BUB1B: variants seen among roughly 807,000 people sequenced by gnomAD.
The protein encoded by BUB1B is mitotic checkpoint serine/threonine-protein kinase BUB1 beta.
A neutral mutation model predicts 137.7 loss-of-function variants in BUB1B; 86 were observed. The observed-to-expected ratio is 0.62, with a 90% CI of 0.52 to 0.75. The LOEUF (loss-of-function observed/expected upper bound fraction) is 0.75. BUB1B is among the 30% of genes least tolerant of loss of function. BUB1B has a pLI of 0.00. For missense variants in BUB1B, 1,130 were observed against 1,236.9 expected (o/e 0.91, Z 1.30); for synonymous variants, 420 against 417.9 (o/e 1.00, Z -0.06).
At chr15:40,218,346 T>C (rs2140912181) in intron 21 of BUB1B, 110 bp from the exon 22 acceptor site, 2 of 794,752 alleles carry the variant, frequency 2.5e-6, no homozygotes, top group Admixed American at 2.0e-5. Context: ...ATGTATGTCA[T>C]AAAATAAACT....
At chr15:40,216,876 C>T (rs1389457115) in intron 20 of BUB1B, among the ~76,000 whole-genome samples, 4 of 151,536 alleles carry the variant, frequency 2.6e-5, no homozygotes, top group Non-Finnish European at 5.9e-5. Context: ...TAGATAAACC[C>T]AAGGAAAACA....
chr15:40,206,101 C>A, intron 14 of BUB1B, 83 bp from the exon 15 acceptor site: 1 of 1,419,306 alleles, frequency 7.0e-7, no homozygotes, highest in Non-Finnish European at 9.9e-7. Context: ...CCCTGTGTCA[C>A]TGAGCTAATA....
At position 40,196,787 on chromosome 15, in the gene BUB1B, C is replaced by A; in HGVS notation, c.1288+13C>A. ...GAGCAAAGGGAAGGTGTGTGTAATT[C>A]AAGTTTGTGAAGAGGACTTAACTTA... On this transcript the variant is annotated intron_variant, in intron 9 of 22. Coordinates refer to ENST00000287598, the MANE Select transcript of BUB1B (RefSeq NM_001211.6). The A allele has an allele frequency of 1.2e-6, 2 of 1,612,048 alleles. No individual in the cohort carries two copies. Among genetic ancestry groups the A allele is most frequent in the South Asian group, 2.2e-5 (2 of 90,998 alleles).
intron 4 of BUB1B, among the ~76,000 whole-genome samples, chr15:40,172,705 G>A (rs1453710099): frequency 6.6e-6 from 1 of 152,114 alleles, no homozygotes; most frequent in African/African-American, 2.4e-5. Flanking sequence ...TTGTTCAAGG[G>A]TCAACTGTAG....
intron 4 of BUB1B, 42 bp downstream of exon 4, chr15:40,170,723 C>T: frequency 1.1e-5 from 17 of 1,597,472 alleles, no homozygotes; most frequent in Non-Finnish European, 1.5e-5. Context: ...AAATATTAAA[C>T]TAAGAGATTT....
chr15:40,168,306 G>A (rs995171994), intron 2 of BUB1B, among the ~76,000 whole-genome samples: 2 of 152,216 alleles, frequency 1.3e-5, no homozygotes, highest in Admixed American at 6.5e-5. Context: ...GGTGGAGGTT[G>A]CAGTGAGCCG....
chr15:40,200,371 T>A lies in BUB1B; in HGVS notation c.1517+12T>A, dbSNP rs753816306. 1.2e-6 allele frequency: 2 copies of A among 1,600,336 alleles called. No homozygotes were observed. Among genetic ancestry groups the A allele is most frequent in the Admixed American group, 3.3e-5 (2 of 59,966 alleles). On this transcript the variant is annotated intron_variant, in intron 11 of 22. Transcript: ENST00000287598. The stretch of plus-strand genomic sequence containing the variant: ...AACTGTTGTGCCAGGTAAGACTACA[T>A]AGGTGGAAGGGACAATGCATATAGG...
chr15:40,200,487 C>T, intron 11 of BUB1B, 128 bp downstream of exon 11: 1 of 691,618 alleles, frequency 1.4e-6, no homozygotes, highest in South Asian at 1.8e-5. Flanking sequence ...AAGTCTCTGT[C>T]ACAACATAAG....
intron 14 of BUB1B, among the ~76,000 whole-genome samples, chr15:40,205,221 A>T (rs2037623454): frequency 6.6e-6 from 1 of 152,196 alleles, no homozygotes; most frequent in Non-Finnish European, 1.5e-5. Context: ...TGCTGGGATT[A>T]CAGGCGTGAG....
intron 8 of BUB1B, 139 bp downstream of exon 8, chr15:40,185,781 C>T: frequency 1.2e-6 from 1 of 815,392 alleles, no homozygotes; most frequent in Non-Finnish European, 2.1e-6. Context: ...ACCTGTAATC[C>T]CAGCACAGGC....
chr15:40,171,206 G>C (rs2037158378), intron 4 of BUB1B, among the ~76,000 whole-genome samples: 1 of 152,114 alleles, frequency 6.6e-6, no homozygotes, highest in Admixed American at 6.5e-5. Flanking sequence ...CAAAGTGCTG[G>C]GATTATAGGC....
intron 5 of BUB1B, among the ~76,000 whole-genome samples, chr15:40,177,421 A>G (rs1390762013): frequency 1.3e-5 from 2 of 152,110 alleles, no homozygotes. Context: ...GATAGAGGTT[A>G]AGGTTCTTTT....
chr15:40,201,666 T>A (rs2037570671), intron 12 of BUB1B, among the ~76,000 whole-genome samples: 1 of 152,154 alleles, frequency 6.6e-6, no homozygotes, highest in South Asian at 2.1e-4. Flanking sequence ...AATTTTTTTT[T>A]ATTTATTAAT....
At chr15:40,171,011 C>T (rs2037155604) in intron 4 of BUB1B, among the ~76,000 whole-genome samples, 1 of 152,172 alleles carries the variant, frequency 6.6e-6, no homozygotes, top group African/African-American at 2.4e-5. Flanking sequence ...TCATGGCTCA[C>T]TGCAGTCTAA....
Position 40,165,346 on chromosome 15 carries a change from G to T in BUB1B, c.179+150G>T, listed in dbSNP as rs1308806784. 5.9e-6 allele frequency: 6 copies of T among 1,013,802 alleles called. No individual in the cohort carries two copies. In the African/African-American group the frequency reaches 9.5e-5, roughly 16 times the overall value. The allele number at this position is 1,013,802 out of a possible 1,614,324, so 62.8% of individuals were successfully genotyped here. A position where few individuals can be genotyped will look rare whatever the true frequency, so the allele number is the denominator to read the frequency against. ...TTCTCTACCTGCTTTCGTATCACAT[G>T]ACAGCTATCTGAAGATGTCCTCAGG... is the stretch of plus-strand genomic sequence containing the variant. On this transcript the variant is annotated intron_variant, in intron 2 of 22. Transcript: ENST00000287598.
In BUB1B at chr15:40,220,772, A is replaced by C. The variant is rs370517481; in HGVS notation, c.*13A>C. 2.3e-4 allele frequency: 372 copies of C among 1,611,184 alleles called. No individual in the cohort carries two copies. In the African/African-American group the frequency reaches 4.5e-3, roughly 19 times the overall value. On this transcript the variant is annotated 3_prime_UTR_variant, in exon 23 of 23. Coordinates refer to ENST00000287598, the MANE Select transcript of BUB1B (RefSeq NM_001211.6). ...GCTCTTTCAGTGAGCTAGGCAATCA[A>C]GTCTCACAGATTGCTGCCTCAGAGC...
intron 8 of BUB1B, among the ~76,000 whole-genome samples, chr15:40,186,598 C>T (rs1047694621): frequency 3.3e-5 from 5 of 151,606 alleles, no homozygotes; most frequent in African/African-American, 7.3e-5. Context: ...GCATCTGCCA[C>T]CACGCCCAGC....
chr15:40,177,257 G>A (rs914373759), intron 5 of BUB1B, among the ~76,000 whole-genome samples: 1 of 152,058 alleles, frequency 6.6e-6, no homozygotes, highest in Non-Finnish European at 1.5e-5. Flanking sequence ...AGTTTTTCTT[G>A]TATGGATCGT....
intron 3 of BUB1B, 179 bp downstream of exon 3, chr15:40,170,300 C>G: frequency 1.3e-6 from 1 of 776,016 alleles, no homozygotes; most frequent in Non-Finnish European, 2.1e-6. Context: ...CAAGAAATTT[C>G]AAGTTTATGA....
Sources: gnomAD v4.1 joint callset for allele counts (sites outside exome capture counted in the v4.1 genomes callset) on GRCh38, gnomAD v4.1.1 for gene constraint, MANE v1.5 for transcripts, NCBI Gene and HGNC (gene_info 2026-07-23, HGNC 2026-07-21) for gene names.